The following IQCM variants were observed in gnomAD, a reference collection of about 807,000 sequenced individuals.
IQCM encodes the protein IQ domain-containing protein M.
A neutral mutation model predicts 57.6 loss-of-function variants in IQCM; 45 were observed. The ratio of observed to expected loss-of-function variants is 0.78; its 90% CI spans 0.62 to 1.00. IQCM has a LOEUF of 1.00. Among genes scored for constraint, IQCM ranks in the 50% least tolerant of loss-of-function variants. The pLI is 0.00. For missense variants in IQCM, 468 were observed against 511.6 expected, an observed-to-expected ratio of 0.91 and a Z score of 0.82; for synonymous variants, 148 against 158.9, an observed-to-expected ratio of 0.93 and a Z score of 0.51.
intron 8 of IQCM, among the ~76,000 whole-genome samples, chr4:149,596,691 A>C (rs995010753): frequency 6.6e-6 from 1 of 152,114 alleles, no homozygotes; most frequent in Non-Finnish European, 1.5e-5. Flanking sequence ...TTTTCTAGGA[A>C]TTTCTAATGA....
intron 12 of IQCM, among the ~76,000 whole-genome samples, chr4:149,490,403 A>G (rs1439878955): frequency 6.6e-6 from 1 of 152,038 alleles, no homozygotes; most frequent in African/African-American, 2.4e-5. Flanking sequence ...CTTGTATCTC[A>G]AATATAGTTT....
rs1309177335 is a variant in IQCM at position 149,369,011 on chromosome 4, C to T, written c.1391-16945G>A. 3.8e-4 allele frequency among the ~76,000 whole-genome samples: 15 copies of T among 39,486 alleles called. 4 individuals carry two copies. Among genetic ancestry groups the T allele is most frequent in the Non-Finnish European group, 2.1e-4 (4 of 19,052 alleles). The allele number at this position is 39,486 out of a possible 152,430, so 25.9% of individuals were successfully genotyped here. On this transcript the variant is annotated intron_variant, in intron 13 of 13. Transcript: ENST00000636793. ...ACACGTGTATATATATATATATACACGTGTATATATATATATATACATGTG... is the reference window on the plus strand; with the variant it reads ...ACACGTGTATATATATATATATACATGTGTATATATATATATATACATGTG...
At chr4:149,493,229 T>A (rs531035350) in intron 12 of IQCM, among the ~76,000 whole-genome samples, 6 of 152,112 alleles carry the variant, frequency 3.9e-5, no homozygotes, top group Non-Finnish European at 8.8e-5. Context: ...TTTCTTGCCA[T>A]CTTTAATTTT....
intron 11 of IQCM, among the ~76,000 whole-genome samples, chr4:149,551,549 A>G (rs751856267): frequency 6.6e-6 from 1 of 152,206 alleles, no homozygotes; most frequent in Non-Finnish European, 1.5e-5. Flanking sequence ...GTAAAATAGT[A>G]GGAGCATTTT....
chr4:149,787,120 T>A (rs984620865), intron 2 of IQCM, among the ~76,000 whole-genome samples: 1 of 151,430 alleles, frequency 6.6e-6, no homozygotes. Context: ...AAAGTGGGAG[T>A]TGAACATTGA....
At chr4:149,495,720 C>G (rs996182395) in intron 12 of IQCM, among the ~76,000 whole-genome samples, 4 of 151,750 alleles carry the variant, frequency 2.6e-5, no homozygotes, top group African/African-American at 9.7e-5. Context: ...AGCTGCCAGG[C>G]AAAATGGTTA....
At chr4:149,652,633 GA>G (rs200078231) in intron 7 of IQCM, among the ~76,000 whole-genome samples, 1 of 147,086 alleles carries the variant, frequency 6.8e-6, no homozygotes, top group Non-Finnish European at 1.5e-5. Flanking sequence ...AAGTAGCAAA[GA>G]AAAAAAAACA....
chr4:149,383,646 T>C (rs1474770001), intron 13 of IQCM, among the ~76,000 whole-genome samples: 1 of 152,146 alleles, frequency 6.6e-6, no homozygotes, highest in African/African-American at 2.4e-5. Flanking sequence ...AATCTTCATA[T>C]TCTCTATAGA....
chr4:149,712,333 A>G (rs1764628666), intron 5 of IQCM, among the ~76,000 whole-genome samples: 1 of 151,040 alleles, frequency 6.6e-6, no homozygotes, highest in Non-Finnish European at 1.5e-5. Context: ...AGATACTGTC[A>G]TACTGTCAAT....
At chr4:149,415,026 T>G (rs995517546) in intron 13 of IQCM, among the ~76,000 whole-genome samples, 1 of 152,182 alleles carries the variant, frequency 6.6e-6, no homozygotes, top group African/African-American at 2.4e-5. Context: ...TATTTTTCAT[T>G]TATGTTCCAT....
intron 9 of IQCM, among the ~76,000 whole-genome samples, chr4:149,581,842 G>A (rs1752210873): frequency 6.6e-6 from 1 of 151,562 alleles, no homozygotes; most frequent in African/African-American, 2.4e-5. Context: ...TTCCAGTCAT[G>A]TGACTCTCCC....
At chr4:149,595,705 T>G (rs1438965466) in intron 8 of IQCM, among the ~76,000 whole-genome samples, 1 of 152,160 alleles carries the variant, frequency 6.6e-6, no homozygotes, top group African/African-American at 2.4e-5. Flanking sequence ...CACATCTTTC[T>G]GAGATTTTTC....
intron 13 of IQCM, among the ~76,000 whole-genome samples, chr4:149,372,023 A>G (rs1271910627): frequency 6.6e-6 from 1 of 152,166 alleles, no homozygotes; most frequent in Non-Finnish European, 1.5e-5. Context: ...GATTCTTCCA[A>G]CAACTTTCTG....
At chr4:149,439,082 G>C (rs886774260) in intron 12 of IQCM, among the ~76,000 whole-genome samples, 3 of 151,980 alleles carry the variant, frequency 2.0e-5, no homozygotes, top group Non-Finnish European at 4.4e-5. Context: ...AATTTTGCCA[G>C]AATATTCTTC....
intron 13 of IQCM, among the ~76,000 whole-genome samples, chr4:149,352,741 A>T (rs962536131): frequency 3.3e-5 from 5 of 152,234 alleles, no homozygotes; most frequent in Non-Finnish European, 4.4e-5. Context: ...ATCAGTTCTG[A>T]TAATGATATT....
chr4:149,763,574 C>T (rs1192786198), intron 2 of IQCM, among the ~76,000 whole-genome samples: 1 of 152,072 alleles, frequency 6.6e-6, no homozygotes, highest in Non-Finnish European at 1.5e-5. Flanking sequence ...ACGCTAAACC[C>T]TTTAATACAT....
chr4:149,749,621 A>G (rs2149930249), intron 2 of IQCM, among the ~76,000 whole-genome samples: 1 of 152,252 alleles, frequency 6.6e-6, no homozygotes, highest in Non-Finnish European at 1.5e-5. Context: ...GTGATTATAG[A>G]GATGTGTACA....
At position 149,730,519 on chromosome 4, in the gene IQCM, G is replaced by A. The variant is rs72726199; in HGVS notation, c.385+2725C>T. 7.0e-3 allele frequency among the ~76,000 whole-genome samples: 1,063 copies of A among 152,234 alleles called. 11 individuals are homozygous for A. The highest frequency in any genetic ancestry group is 0.011 in the Non-Finnish European group (735 of 68,014). ...TCTGTAATCACTCCCCAATCCTCAT[G>A]TTCTAGTCATGTAAAATCATTTTAA... On this transcript the variant is annotated intron_variant, in intron 5 of 13. Transcript: ENST00000636793.
At chr4:149,422,297 T>C (rs916163992) in intron 13 of IQCM, among the ~76,000 whole-genome samples, 3 of 151,938 alleles carry the variant, frequency 2.0e-5, no homozygotes, top group African/African-American at 7.2e-5. Context: ...CAAAAATGCA[T>C]GATCAGAGCT....
Sources: allele counts gnomAD v4.1 joint callset (sites outside exome capture counted in the v4.1 genomes callset), GRCh38; gene constraint gnomAD v4.1.1; transcripts MANE v1.5; gene names NCBI Gene and HGNC (gene_info 2026-07-23, HGNC 2026-07-21).